SPAST: variants seen among roughly 807,000 people sequenced by gnomAD.
SPAST encodes spastic paraplegia 4 (autosomal dominant; spastin).
SPAST carries 30 observed loss-of-function variants against 76.6 expected under a neutral mutation model. The ratio of observed to expected loss-of-function variants is 0.39; its 90% CI spans 0.29 to 0.53. The LOEUF (loss-of-function observed/expected upper bound fraction) is 0.53, where lower values mean the gene tolerates loss of function less well. SPAST is among the 20% of genes least tolerant of loss of function. SPAST has a pLI of 0.68. For missense variants in SPAST, 717 were observed against 770.5 expected (o/e 0.93, Z 0.82); for synonymous variants, 305 against 281.0 (o/e 1.09, Z -0.86).
At chr2:32,121,718 A>G (rs975469308) in intron 7 of SPAST, among the ~76,000 whole-genome samples, 2 of 150,956 alleles carry the variant, frequency 1.3e-5, no homozygotes, top group East Asian at 3.9e-4. Context: ...TAATTGTTGT[A>G]TTTTTAGTAG....
chr2:32,118,305 A>G (rs1678910103), intron 7 of SPAST, among the ~76,000 whole-genome samples: 1 of 152,214 alleles, frequency 6.6e-6, no homozygotes, highest in Non-Finnish European at 1.5e-5. Flanking sequence ...ACTAGAACTT[A>G]CTGAATATTT....
At chr2:32,105,628 G>C (rs1217404805) in intron 4 of SPAST, among the ~76,000 whole-genome samples, 2 of 152,178 alleles carry the variant, frequency 1.3e-5, no homozygotes, top group African/African-American at 4.8e-5. Flanking sequence ...GTGACGTACA[G>C]ATGGGGTTTT....
intron 16 of SPAST, among the ~76,000 whole-genome samples, chr2:32,153,318 ATTTTTTTTTT>A (rs148901250): frequency 8.6e-4 from 68 of 79,250 alleles, no homozygotes; most frequent in Non-Finnish European, 6.2e-4. Context: ...TTTTGCCTTA[ATTTTTTTTTT>A]TTTTTTTTTT....
chr2:32,144,098 A>G (rs1679811347), intron 14 of SPAST, among the ~76,000 whole-genome samples: 2 of 152,218 alleles, frequency 1.3e-5, no homozygotes, highest in Non-Finnish European at 2.9e-5. Flanking sequence ...AAAATGTCAT[A>G]AAGTAATATA....
intron 1 of SPAST, among the ~76,000 whole-genome samples, chr2:32,086,806 T>C (rs1352407815): frequency 6.6e-6 from 1 of 151,978 alleles, no homozygotes; most frequent in African/African-American, 2.4e-5. Flanking sequence ...TTCAGACAAA[T>C]GTTCAAAAAT....
At chr2:32,108,179 T>C (rs906448368) in intron 4 of SPAST, among the ~76,000 whole-genome samples, 1 of 152,150 alleles carries the variant, frequency 6.6e-6, no homozygotes, top group Non-Finnish European at 1.5e-5. Flanking sequence ...ACAGGAAATC[T>C]AAGTAGATGA....
chr2:32,114,893 T>C, intron 5 of SPAST, 68 bp downstream of exon 5: 1 of 1,107,252 alleles, frequency 9.0e-7, no homozygotes, highest in Non-Finnish European at 1.4e-6. Context: ...ATACTATTCC[T>C]GCTTAAGTTG....
At position 32,082,150 on chromosome 2, in the gene SPAST, G is replaced by A. The variant is rs1394137626; in HGVS notation, c.416-5342G>A. On this transcript the variant is annotated intron_variant, in intron 1 of 16. Transcript: ENST00000315285. The stretch of plus-strand genomic sequence containing the variant: ...TGGGAGTACAGGCACCCACCCCCAC[G>A]CCCAGCTAATGTTTGTATTTTTAGT... Among the ~76,000 whole-genome samples, 7 of 147,784 alleles carry A rather than the reference G, an allele frequency of 4.7e-5. No homozygotes were observed. In the South Asian group the frequency reaches 8.8e-4, roughly 19 times the overall value.
chr2:32,087,079 AGGTACCC>A (rs1677511574), intron 1 of SPAST, among the ~76,000 whole-genome samples: 2 of 152,212 alleles, frequency 1.3e-5, no homozygotes, highest in Admixed American at 6.5e-5. Flanking sequence ...TCTAGAGAGG[AGGTACCC>A]AGCAATGAAC....
chr2:32,085,372 A>G (rs935482344), intron 1 of SPAST, among the ~76,000 whole-genome samples: 6 of 151,926 alleles, frequency 3.9e-5, no homozygotes, highest in Admixed American at 6.6e-5. Context: ...TGTATCCCCA[A>G]TCATGGTTAA....
chr2:32,115,889 C>T, intron 6 of SPAST, 54 bp downstream of exon 6: 1 of 1,388,478 alleles, frequency 7.2e-7, no homozygotes. Flanking sequence ...TTTAATTTTA[C>T]TTATAAAACA....
Position 32,089,387 on chromosome 2 carries a change from A to T in SPAST, c.503-135A>T, listed in dbSNP as rs1037640595. The T allele has an allele frequency of 1.3e-5, 8 of 594,946 alleles. No homozygotes were observed. In the African/African-American group the frequency reaches 1.5e-4, roughly 11 times the overall value. 36.9% of individuals were successfully genotyped at this position (594,946 alleles called of 1,614,324 possible). On this transcript the variant is annotated intron_variant, in intron 2 of 16. Transcript: ENST00000315285. Reference sequence around the variant, plus strand: ...TCTGTTTTCTTTCTTTTGGGTATACATTTTCTTCTTTTTTTTAAAAAAAAA... The same window carrying T: ...TCTGTTTTCTTTCTTTTGGGTATACTTTTTCTTCTTTTTTTTAAAAAAAAA...
At chr2:32,094,563 A>G (rs768692893) in intron 3 of SPAST, among the ~76,000 whole-genome samples, 1 of 152,232 alleles carries the variant, frequency 6.6e-6, no homozygotes, top group Non-Finnish European at 1.5e-5. Context: ...TATAGTAGAG[A>G]TGAAGTCAGA....
chr2:32,112,414 CTTG>C (rs1678650984), intron 4 of SPAST, among the ~76,000 whole-genome samples: 1 of 138,662 alleles, frequency 7.2e-6, no homozygotes, highest in Non-Finnish European at 1.5e-5. Context: ...ATGGAGTGAT[CTTG>C]GCTCACCGCA....
chr2:32,151,155 C>G (rs182221787), intron 16 of SPAST, among the ~76,000 whole-genome samples: 26 of 152,136 alleles, frequency 1.7e-4, no homozygotes, highest in Non-Finnish European at 2.9e-4. Context: ...GTTGGTCAGG[C>G]TGATCTGGAA....
intron 3 of SPAST, among the ~76,000 whole-genome samples, chr2:32,093,206 G>A (rs994793006): frequency 2.1e-4 from 32 of 150,782 alleles, no homozygotes; most frequent in Non-Finnish European, 3.7e-4. Context: ...AGCTACTTGG[G>A]AGGCTGAGGA....
intron 1 of SPAST, among the ~76,000 whole-genome samples, chr2:32,076,134 C>T (rs1427197908): frequency 6.6e-6 from 1 of 151,780 alleles, no homozygotes; most frequent in East Asian, 1.9e-4. Flanking sequence ...CTCCTCGCCT[C>T]GTGTGATCCA....
At chr2:32,116,935 C>A (rs1371719156) in intron 7 of SPAST, among the ~76,000 whole-genome samples, 1 of 152,070 alleles carries the variant, frequency 6.6e-6, no homozygotes, top group African/African-American at 2.4e-5. Context: ...CCACTGCACT[C>A]CATCCTGGGT....
intron 3 of SPAST, among the ~76,000 whole-genome samples, chr2:32,091,147 T>C (rs1263600329): frequency 6.6e-6 from 1 of 151,846 alleles, no homozygotes; most frequent in Non-Finnish European, 1.5e-5. Flanking sequence ...ATAGTAGATA[T>C]TTGGTAAGCA....
Sources: gnomAD v4.1 joint callset for allele counts (sites outside exome capture counted in the v4.1 genomes callset) on GRCh38, gnomAD v4.1.1 for gene constraint, MANE v1.5 for transcripts, NCBI Gene and HGNC (gene_info 2026-07-23, HGNC 2026-07-21) for gene names.